The following KYNU variants were observed in gnomAD, a reference collection of about 807,000 sequenced individuals.
KYNU encodes kynureninase, also known as L-kynurenine hydrolase.
KYNU carries 54 observed loss-of-function variants against 59.2 expected under a neutral mutation model. The observed-to-expected ratio is 0.91, with a 90% CI of 0.73 to 1.14. The LOEUF (loss-of-function observed/expected upper bound fraction) is 1.14. Among genes scored for constraint, KYNU ranks in the 50% most tolerant of loss-of-function variants. KYNU has a pLI of 0.00. For missense variants in KYNU, 567 were observed against 554.4 expected, an observed-to-expected ratio of 1.02 and a Z score of -0.23; for synonymous variants, 177 against 192.0, an observed-to-expected ratio of 0.92 and a Z score of 0.65.
chr2:142,952,469 G>A (rs915937049), intron 4 of KYNU, among the ~76,000 whole-genome samples: 1 of 151,756 alleles, frequency 6.6e-6, no homozygotes, highest in Non-Finnish European at 1.5e-5. Context: ...TTAGATGCAG[G>A]TTCCACTCTG....
At chr2:142,922,599 A>G (rs563139247) in intron 3 of KYNU, among the ~76,000 whole-genome samples, 1 of 152,352 alleles carries the variant, frequency 6.6e-6, no homozygotes, top group African/African-American at 2.4e-5. Flanking sequence ...ATCTCTGTCT[A>G]TCCAAGTATT....
chr2:142,993,387 T>C (rs574451767), intron 10 of KYNU, among the ~76,000 whole-genome samples: 4 of 152,066 alleles, frequency 2.6e-5, no homozygotes, highest in Admixed American at 2.0e-4. Context: ...TAAACAGTGG[T>C]AAAATCGTGA....
chr2:142,930,012 G>T (rs1028664163), intron 4 of KYNU, among the ~76,000 whole-genome samples: 5 of 152,144 alleles, frequency 3.3e-5, no homozygotes, highest in African/African-American at 1.2e-4. Flanking sequence ...ACAACAGAAG[G>T]CTTTGTAGGG....
At chr2:142,959,633 G>A (rs1311594316) in intron 7 of KYNU, among the ~76,000 whole-genome samples, 1 of 151,966 alleles carries the variant, frequency 6.6e-6, no homozygotes, top group Admixed American at 6.6e-5. Context: ...TAGGATACAG[G>A]ATACACATAG....
intron 4 of KYNU, 152 bp downstream of exon 4, chr2:142,927,893 T>G (rs1017315652): frequency 1.7e-6 from 1 of 595,100 alleles, no homozygotes; most frequent in Non-Finnish European, 3.0e-6. Context: ...CACTTTCAAC[T>G]TAAATTTGTT....
In KYNU at chr2:143,046,468, AGGT is replaced by A. The variant is rs1367107432; in HGVS notation, c.*4301_*4303del. 2.0e-5 allele frequency: 3 copies of A among 152,128 alleles called. No homozygotes were observed. The highest frequency in any genetic ancestry group is 2.9e-5 in the Non-Finnish European group (2 of 67,970). The allele number at this position is 152,128 out of a possible 1,614,324, so 9.4% of individuals were successfully genotyped here. ...TACAAGTAATTTTGTAAATGATGTG[AGGT>A]GGTGATTCTATTTCATTTTTTCCCA... On this transcript the variant is annotated 3_prime_UTR_variant, in exon 14 of 14. Transcript: ENST00000264170.
intron 10 of KYNU, among the ~76,000 whole-genome samples, chr2:142,992,948 G>T (rs1190818762): frequency 6.6e-6 from 1 of 152,046 alleles, no homozygotes; most frequent in East Asian, 1.9e-4. Context: ...CCATAAGGCA[G>T]CCTCTGATTA....
At chr2:142,969,026 A>G (rs903299058) in intron 8 of KYNU, among the ~76,000 whole-genome samples, 6 of 152,182 alleles carry the variant, frequency 3.9e-5, no homozygotes, top group African/African-American at 1.4e-4. Flanking sequence ...TCTCAGGGGA[A>G]ATCATTTTTA....
chr2:142,981,474 T>A (rs1218849435), intron 8 of KYNU, among the ~76,000 whole-genome samples: 1 of 152,090 alleles, frequency 6.6e-6, no homozygotes, highest in East Asian at 1.9e-4. Context: ...AATAAATGTG[T>A]GTGGAGGGGT....
At chr2:142,891,148 T>G (rs1225399783) in intron 2 of KYNU, among the ~76,000 whole-genome samples, 2 of 152,208 alleles carry the variant, frequency 1.3e-5, no homozygotes, top group Non-Finnish European at 2.9e-5. Context: ...TTAAAATCAC[T>G]CAATTGAAGT....
rs1196272152 is a variant in KYNU at position 143,025,096 on chromosome 2, C to T, written c.903-4531C>T. Among the ~76,000 whole-genome samples the T allele has an allele frequency of 5.3e-5, 8 of 151,880 alleles. No homozygotes were observed. In the South Asian group the frequency reaches 1.5e-3, roughly 28 times the overall value. ...CTGATTTCTGCATGCTCATTTTCAT[C>T]CCTCCTATTGTTAAGATATGTTAAT... is the stretch of plus-strand genomic sequence containing the variant. On this transcript the variant is annotated intron_variant, in intron 10 of 13. Coordinates refer to ENST00000264170, the MANE Select transcript of KYNU (RefSeq NM_003937.3).
intron 1 of KYNU, among the ~76,000 whole-genome samples, chr2:142,880,192 A>G (rs2105016209): frequency 6.6e-6 from 1 of 152,354 alleles, no homozygotes; most frequent in Admixed American, 6.5e-5. Flanking sequence ...GCCCCCAGGT[A>G]GAGTTCAGTT....
At chr2:143,032,979 A>G (rs1426697305) in intron 11 of KYNU, among the ~76,000 whole-genome samples, 1 of 152,282 alleles carries the variant, frequency 6.6e-6, no homozygotes, top group African/African-American at 2.4e-5. Context: ...AAAAACTTCC[A>G]GAAGAGGTCA....
chr2:143,010,881 CCCTTCCTTACA>C (rs1296987585), intron 10 of KYNU, among the ~76,000 whole-genome samples: 3 of 145,250 alleles, frequency 2.1e-5, no homozygotes, highest in Non-Finnish European at 3.0e-5. Context: ...GAAACTGGAT[CCCTTCCTTACA>C]CCTTATACAA....
chr2:143,034,033 A>G (rs1247594485), intron 12 of KYNU, among the ~76,000 whole-genome samples: 2 of 151,942 alleles, frequency 1.3e-5, no homozygotes, highest in African/African-American at 2.4e-5. Context: ...ATAAATATAC[A>G]TAACAAGAAA....
intron 10 of KYNU, among the ~76,000 whole-genome samples, chr2:143,004,935 A>T (rs1037712900): frequency 6.6e-6 from 1 of 152,194 alleles, no homozygotes; most frequent in Non-Finnish European, 1.5e-5. Flanking sequence ...GTTGGGTGCC[A>T]TCTGATCCAA....
chr2:143,022,153 A>G (rs1686428940), intron 10 of KYNU, among the ~76,000 whole-genome samples: 1 of 152,160 alleles, frequency 6.6e-6, no homozygotes, highest in South Asian at 2.1e-4. Flanking sequence ...GTGTTGCTAA[A>G]TCAGAGTTTG....
chr2:142,939,434 T>C (rs1465710677), intron 4 of KYNU, among the ~76,000 whole-genome samples: 1 of 150,960 alleles, frequency 6.6e-6, no homozygotes, highest in African/African-American at 2.4e-5. Flanking sequence ...AAACGCTGTC[T>C]CTACTAAAAA....
chr2:143,007,278 G>A (rs141479913), intron 10 of KYNU, among the ~76,000 whole-genome samples: 17,848 of 149,140 alleles, frequency 0.12, 1,687 homozygotes, highest in East Asian at 0.25. Flanking sequence ...CTCAGGAACC[G>A]GTGCGATCAA....
Sources: allele counts gnomAD v4.1 joint callset (sites outside exome capture counted in the v4.1 genomes callset), GRCh38; gene constraint gnomAD v4.1.1; transcripts MANE v1.5; gene names NCBI Gene and HGNC (gene_info 2026-07-23, HGNC 2026-07-21).